Variants in PALM observed in about 807,000 individuals in gnomAD.
PALM encodes paralemmin-1.
Under a neutral mutation model 30.7 loss-of-function variants are expected in PALM, and 18 were observed. That is an observed-to-expected ratio of 0.59 (90% CI 0.41 to 0.87). The LOEUF is 0.87. Ranked by LOEUF, PALM falls within the 40% of genes least tolerant of loss-of-function variation. The probability of loss-of-function intolerance (pLI) is 0.00; values close to 1 mark genes in which losing one functional copy is unlikely to be tolerated. For missense variants in PALM, 529 were observed against 555.4 expected, an observed-to-expected ratio of 0.95 and a Z score of 0.48; for synonymous variants, 286 against 242.8, an observed-to-expected ratio of 1.18 and a Z score of -1.66.
chr19:725,716 G>A (rs559345582), intron 1 of PALM, among the ~76,000 whole-genome samples: 1 of 152,036 alleles, frequency 6.6e-6, no homozygotes, highest in Non-Finnish European at 1.5e-5. Context: ...TTCATCCTCT[G>A]TTTGCCCCTC....
intron 7 of PALM, among the ~76,000 whole-genome samples, chr19:739,188 G>A (rs2033114534): frequency 6.6e-6 from 1 of 152,104 alleles, no homozygotes; most frequent in Admixed American, 6.6e-5. Flanking sequence ...TGAGTAGCAA[G>A]TTCGACTATC....
Position 731,250 on chromosome 19 carries a change from G to A in PALM, c.420+5G>A. 6.3e-7 allele frequency: 1 copy of A among 1,598,918 alleles called. No individual in the cohort carries two copies. The highest frequency in any genetic ancestry group is 8.5e-7 in the Non-Finnish European group (1 of 1,173,890). On this transcript the variant is annotated splice_donor_5th_base_variant and intron_variant, in intron 5 of 8. Coordinates refer to ENST00000338448, the MANE Select transcript of PALM (RefSeq NM_002579.3). ...GTGGTGATGAATTCACAGCAGGTAA[G>A]GGGGTGACTGGGGGGAGCGGATCCC...
At chr19:724,259 T>C (rs1034109591) in intron 1 of PALM, among the ~76,000 whole-genome samples, 1 of 152,164 alleles carries the variant, frequency 6.6e-6, no homozygotes, top group African/African-American at 2.4e-5. Context: ...CCTGTATCTT[T>C]GAAGCCTGAA....
chr19:717,851 G>A (rs2032316957), intron 1 of PALM, among the ~76,000 whole-genome samples: 1 of 152,160 alleles, frequency 6.6e-6, no homozygotes, highest in Admixed American at 6.6e-5. Flanking sequence ...CCTGCTGTAT[G>A]CCTGGTGCCA....
At chr19:714,946 T>C (rs999004091) in intron 1 of PALM, among the ~76,000 whole-genome samples, 5 of 152,098 alleles carry the variant, frequency 3.3e-5, no homozygotes, top group African/African-American at 9.7e-5. Context: ...TGTGAGCCAC[T>C]GCACCCAGCC....
At position 747,522 on chromosome 19, in the gene PALM, A is replaced by G. The variant is rs969564355; in HGVS notation, c.*708A>G. On this transcript the variant is annotated 3_prime_UTR_variant, in exon 9 of 9. Coordinates refer to ENST00000338448, the MANE Select transcript of PALM (RefSeq NM_002579.3). ...CTGGGCTATCTTCTAGACGGGGCGA[A>G]CCAGGGGTCATTGACCTGCCCCCTG... is the stretch of plus-strand genomic sequence containing the variant. 6.6e-6 allele frequency: 1 copy of G among 152,538 alleles called. No homozygotes were observed. The highest frequency in any genetic ancestry group is 1.5e-5 in the Non-Finnish European group (1 of 68,074). The allele number at this position is 152,538 out of a possible 1,614,324, so 9.4% of individuals were successfully genotyped here.
At chr19:716,183 G>A (rs991615232) in intron 1 of PALM, among the ~76,000 whole-genome samples, 4 of 152,000 alleles carry the variant, frequency 2.6e-5, no homozygotes, top group East Asian at 1.9e-4. Context: ...AGGCCGAGGC[G>A]GGCAGATCAC....
chr19:746,751 C>A lies in PALM; in HGVS notation c.1101C>A (p.Thr367=). The part of the protein sequence containing the change: ...REENQAGPEA[T]TSDPQDLDMK... ...AGAATCAGGCGGGGCCCGAGGCCAC[C>A]ACCAGCGACCCCCAGGACCTCGACA... Residue 367 remains threonine, a synonymous_variant, in exon 9 of 9, where the codon ACC becomes ACA. Transcript: ENST00000338448. This position sits in a 1 kb window ranked among gnomAD's most constrained non-coding sequence, Gnocchi z 7.1. 1 of 1,597,374 alleles carries A rather than the reference C, an allele frequency of 6.3e-7. No homozygotes were observed. Among genetic ancestry groups the A allele is most frequent in the East Asian group, 2.3e-5 (1 of 44,308 alleles).
In PALM at chr19:746,410, G is replaced by A. The variant is rs769154851; in HGVS notation, c.760G>A (p.Ala254Thr). ...LSEAGSTAGA[A>T]ETRGAVEGAA... ...CGAGGCAGGGTCCACGGCCGGGGCG[G>A]CAGAGACCCGGGGGGCTGTGGAGGG... The change falls in exon 9 of 9, where the codon GCA becomes ACA. Residue 254 changes from alanine (A) to threonine (T), a missense_variant. Transcript: ENST00000338448. The surrounding 1 kb of genome is among the most constrained non-coding windows in gnomAD (Gnocchi z 7.1). 5 of 1,611,702 alleles carry A rather than the reference G, an allele frequency of 3.1e-6. No individual in the cohort carries two copies. Among genetic ancestry groups the A allele is most frequent in the Non-Finnish European group, 4.2e-6 (5 of 1,179,244 alleles).
At chr19:720,533 G>T (rs2032438873) in intron 1 of PALM, among the ~76,000 whole-genome samples, 1 of 143,414 alleles carries the variant, frequency 7.0e-6, no homozygotes, top group African/African-American at 2.6e-5. Flanking sequence ...CTGGGGAGGG[G>T]CGAGAGGGGC....
intron 1 of PALM, among the ~76,000 whole-genome samples, chr19:723,066 G>T (rs2032544133): frequency 6.6e-6 from 1 of 152,112 alleles, no homozygotes. Context: ...ACCCGGAGCA[G>T]CCTCCCAGGC....
At chr19:719,058 A>C in intron 1 of PALM, 1 of 935,774 alleles carries the variant, frequency 1.1e-6, no homozygotes, top group Non-Finnish European at 1.3e-6. Context: ...GGCCAAGGTC[A>C]CCGTCAGCTC....
rs554969055 is a variant in PALM, at chr19:738,811, G to A, written c.503-1541G>A. Among the ~76,000 whole-genome samples the A allele has an allele frequency of 1.6e-4, 25 of 152,310 alleles. No homozygotes were observed. In the South Asian group the frequency reaches 1.7e-3, roughly 10 times the overall value. On this transcript the variant is annotated intron_variant, in intron 7 of 8. Coordinates refer to ENST00000338448, the MANE Select transcript of PALM (RefSeq NM_002579.3). ...GGGAAACGAGGTGGCTATGGGGGCC[G>A]AGGGGCCAGGCGATGGCAGGGCTGC...
At chr19:718,536 C>T (rs529382623) in intron 1 of PALM, among the ~76,000 whole-genome samples, 6 of 152,324 alleles carry the variant, frequency 3.9e-5, no homozygotes, top group Admixed American at 2.6e-4. Flanking sequence ...AGGGCCCGGG[C>T]AGGGTCCCTT....
At chr19:727,796 G>A in intron 4 of PALM, 102 bp downstream of exon 4, 1 of 1,093,982 alleles carries the variant, frequency 9.1e-7, no homozygotes, top group Non-Finnish European at 1.3e-6. Flanking sequence ...GTGCTTTGAG[G>A]GAGATGCGTG....
At chr19:740,968 CAAAAAAAAA>C (rs60937470) in intron 8 of PALM, among the ~76,000 whole-genome samples, 6 of 93,800 alleles carry the variant, frequency 6.4e-5, no homozygotes, top group African/African-American at 2.2e-4. Context: ...CCGTCTCTAC[CAAAAAAAAA>C]AAAAAAAAAA....
At chr19:717,381 G>A (rs1276334780) in intron 1 of PALM, among the ~76,000 whole-genome samples, 1 of 151,766 alleles carries the variant, frequency 6.6e-6, no homozygotes, top group Admixed American at 6.6e-5. Context: ...TGGACATTTC[G>A]TAGACATGGG....
At position 746,149 on chromosome 19, in the gene PALM, A is replaced by G; in HGVS notation, c.635-136A>G. ...ATTGTCTGTCAGTTCTGACGGTGTA[A>G]TCTAGTTCGTGATTTCCTCTTTAGC... On this transcript the variant is annotated intron_variant, in intron 8 of 8. Coordinates refer to ENST00000338448, the MANE Select transcript of PALM (RefSeq NM_002579.3). This position sits in a 1 kb window ranked among gnomAD's most constrained non-coding sequence, Gnocchi z 7.1. 1.5e-6 allele frequency: 1 copy of G among 651,784 alleles called. No individual in the cohort carries two copies. Among genetic ancestry groups the G allele is most frequent in the Non-Finnish European group, 2.7e-6 (1 of 373,656 alleles). The allele number at this position is 651,784 out of a possible 1,614,324, so 40.4% of individuals were successfully genotyped here.
intron 8 of PALM, among the ~76,000 whole-genome samples, chr19:744,875 C>CAG (rs2033292375): frequency 8.4e-6 from 1 of 118,882 alleles, no homozygotes; most frequent in African/African-American, 3.0e-5. Flanking sequence ...CCCTGGGCGA[C>CAG]AGAGGGAGTC....
Sources: allele counts gnomAD v4.1 joint callset (sites outside exome capture counted in the v4.1 genomes callset), GRCh38; gene constraint gnomAD v4.1.1; non-coding constraint Gnocchi (gnomAD v3.1); transcripts MANE v1.5; gene names NCBI Gene and HGNC (gene_info 2026-07-23, HGNC 2026-07-21).